The following KMT2B variants were observed in gnomAD, a reference collection of about 807,000 sequenced individuals.
KMT2B encodes the protein histone-lysine N-methyltransferase 2B.
KMT2B carries 22 observed loss-of-function variants against 255.3 expected under a neutral mutation model. The observed-to-expected ratio is 0.09, with a 90% CI of 0.06 to 0.12. The LOEUF is 0.12. Among genes scored for constraint, KMT2B ranks in the 10% least tolerant of loss-of-function variants. The pLI is 1.00. For missense variants in KMT2B, 3,149 were observed against 3,737.0 expected, an observed-to-expected ratio of 0.84 and a Z score of 4.10; for synonymous variants, 1,730 against 1,498.1, an observed-to-expected ratio of 1.15 and a Z score of -3.57.
At position 35,721,141 on chromosome 19, in the gene KMT2B, G is replaced by T; in HGVS notation, c.1794G>T (p.Glu598Asp). ...TPPSTPVPLP[E>D]KRRSILREPT... ...CATCTACCCCAGTTCCACTCCCTGA[G>T]AAGAGACGGTCCATCCTAAGGGAAC... Residue 598 changes from glutamate (E) to aspartate (D), a missense_variant, in exon 3 of 37, where the codon GAG becomes GAT. Physicochemically the swap from Glu to Asp is conservative, Grantham distance 45. This residue lies in a region of KMT2B where 1,188 missense variants were observed against 1,106.4 expected (regional missense o/e 1.07). Transcript: ENST00000420124. 6.2e-7 allele frequency: 1 copy of T among 1,601,204 alleles called. No homozygotes were observed. Among genetic ancestry groups the T allele is most frequent in the Non-Finnish European group, 8.5e-7 (1 of 1,175,016 alleles).
Position 35,724,018 on chromosome 19 carries a change from C to A in KMT2B, c.3334+11C>A. 6.4e-7 allele frequency: 1 copy of A among 1,565,084 alleles called. No individual in the cohort carries two copies. Among genetic ancestry groups the A allele is most frequent in the Non-Finnish European group, 8.7e-7 (1 of 1,154,712 alleles). On this transcript the variant is annotated intron_variant, in intron 8 of 36. Transcript: ENST00000420124. ...CCCCCCGAGAAAATGGTGCGAACTGCTTAATGCTTTCTCTGTTGATCATTT... is the reference window on the plus strand; with the variant it reads ...CCCCCCGAGAAAATGGTGCGAACTGATTAATGCTTTCTCTGTTGATCATTT...
Position 35,721,388 on chromosome 19 carries a change from C to G in KMT2B, c.2041C>G (p.Pro681Ala). 1 of 1,606,194 alleles carries G rather than the reference C, an allele frequency of 6.2e-7. No homozygotes were observed. The highest frequency in any genetic ancestry group is 8.5e-7 in the Non-Finnish European group (1 of 1,177,340). The change falls in exon 3 of 37, where the codon CCT (proline) becomes GCT (alanine). Residue 681 changes from proline to alanine, a missense_variant. By Grantham distance (27) the Pro-to-Ala change is conservative. Around this residue, in one of 18 missense-constraint regions of KMT2B, gnomAD observed 1,188 missense variants for 1,106.4 expected, o/e 1.07. Transcript: ENST00000420124. ...GGCTCCTGAAGCCCCTGAGCCAGAG[C>G]CTCCTCCTGCCGATGACTCTCCAGC... ...LGAPEAPEPE[P>A]PPADDSPAEP...
In KMT2B at chr19:35,718,139, G is replaced by T. The variant is rs1969025340; in HGVS notation, c.121G>T (p.Glu41Ter). The T allele has an allele frequency of 9.6e-7, 1 of 1,040,460 alleles. No homozygotes were observed. Among genetic ancestry groups the T allele is most frequent in the South Asian group, 4.4e-5 (1 of 22,634 alleles). 64.5% of individuals were successfully genotyped at this position (1,040,460 alleles called of 1,614,324 possible). ...CCGCGGCGGACGGGGCAACGGGGCC[G>T]AAAGAGTGCGGGTAGCTCTGCGGCG... The part of the protein sequence containing the change: ...GGRGGRGNGA[E>*]RVRVALRRGG... The change falls in exon 1 of 37, where the codon GAA becomes TAA. Residue 41 changes from glutamate to a stop codon, truncating the protein, a stop_gained. Coordinates refer to ENST00000420124, the MANE Select transcript of KMT2B (RefSeq NM_014727.3). LOFTEE classifies it high-confidence loss of function. The surrounding 1 kb of genome is among the most constrained non-coding windows in gnomAD (Gnocchi z 5.0).
rs975466594 is a variant in KMT2B at position 35,737,611 on chromosome 19, C to T, written c.7551-25C>T. On this transcript the variant is annotated intron_variant, in intron 33 of 36. Transcript: ENST00000420124. This position sits in a 1 kb window ranked among gnomAD's most constrained non-coding sequence, Gnocchi z 5.3. ...TAGCTCTGTCTTCAACAGTATATTCCTCCTTCCCCTGCTGCCACCTGCAGG... is the reference window on the plus strand; with the variant it reads ...TAGCTCTGTCTTCAACAGTATATTCTTCCTTCCCCTGCTGCCACCTGCAGG... 3 of 1,480,676 alleles carry T rather than the reference C, an allele frequency of 2.0e-6. No homozygotes were observed. The highest frequency in any genetic ancestry group is 4.0e-5 in the Admixed American group (2 of 50,448). 91.7% of individuals were successfully genotyped at this position (1,480,676 alleles called of 1,614,324 possible).
rs74723295 is a variant in KMT2B, at chr19:35,730,879, G to C, written c.5437+12G>C. The C allele has an allele frequency of 6.3e-6, 10 of 1,586,522 alleles. No individual in the cohort carries two copies. The East Asian group carries it at 2.3e-4, about 36-fold the overall frequency. On this transcript the variant is annotated intron_variant, in intron 26 of 36. Transcript: ENST00000420124. ...CGCCCCTTCCTCAGGTGTGGCTTTG[G>C]CTCTGTCTTCTTCCTGAATACCGCT...
At chr19:35,724,547 A>G in intron 8 of KMT2B, 90 bp from the exon 9 acceptor site, 1 of 1,100,060 alleles carries the variant, frequency 9.1e-7, no homozygotes, top group Non-Finnish European at 1.4e-6. Flanking sequence ...TAGTTAAAGA[A>G]GGCCCTGGGA....
rs561976569 is a variant in KMT2B at position 35,732,605 on chromosome 19, G to A, written c.6056G>A (p.Gly2019Asp). 40 of 1,612,856 alleles carry A rather than the reference G, an allele frequency of 2.5e-5. No individual in the cohort carries two copies. In the South Asian group the frequency reaches 4.1e-4, roughly 16 times the overall value. ...GGGGCCATGGGGAGCAGCCACGGGG[G>A]CCCGGGGGACAGCTCCGAGGAGGAG... The part of the protein sequence containing the change: ...AAGAMGSSHG[G>D]PGDSSEEESS... The change falls in exon 28 of 37, where the codon GGC (glycine) becomes GAC (aspartate). Residue 2019 changes from glycine (G) to aspartate (D), a missense_variant. By Grantham distance (94) the Gly-to-Asp change is moderately conservative (BLOSUM62 -1). Around this residue, in one of 18 missense-constraint regions of KMT2B, gnomAD observed 897 missense variants for 825.3 expected, o/e 1.09. Transcript: ENST00000420124.
At position 35,737,127 on chromosome 19, in the gene KMT2B, G is replaced by A. The variant is rs1969949928; in HGVS notation, c.7414G>A (p.Val2472Ile). The change falls in exon 33 of 37, where the codon GTC becomes ATC. Residue 2472 changes from valine (V) to isoleucine (I), a missense_variant. Val to Ile is a conservative substitution (Grantham distance 29, BLOSUM62 3). Coordinates refer to ENST00000420124, the MANE Select transcript of KMT2B (RefSeq NM_014727.3). This position sits in a 1 kb window ranked among gnomAD's most constrained non-coding sequence, Gnocchi z 5.3. ...ARLLGIHHDA[V>I]IFLAEQLPGA... ...ACTCCTGGGCATCCACCATGATGCT[G>A]TCATCTTCCTGGCCGAGCAGCTCCC... is the stretch of plus-strand genomic sequence containing the variant. The A allele has an allele frequency of 1.9e-6, 3 of 1,610,914 alleles. No individual in the cohort carries two copies. The highest frequency in any genetic ancestry group is 8.5e-7 in the Non-Finnish European group (1 of 1,178,168).
In KMT2B at chr19:35,738,137, C is replaced by T; in HGVS notation, c.7818C>T (p.Gly2606=). The T allele has an allele frequency of 6.2e-7, 1 of 1,613,848 alleles. No homozygotes were observed. The highest frequency in any genetic ancestry group is 1.1e-5 in the South Asian group (1 of 91,078). The change falls in exon 36 of 37, where the codon GGC becomes GGT. Residue 2606 remains glycine (G), a synonymous_variant. Transcript: ENST00000420124. The surrounding 1 kb of genome is among the most constrained non-coding windows in gnomAD (Gnocchi z 8.7). ...DAGEMVIEYS[G]IVIRSVLTDK... ...GGGAGATGGTCATCGAGTACTCTGG[C>T]ATTGTCATCCGCTCGGTGTTGACTG...
chr19:35,720,178 G>A lies in KMT2B; in HGVS notation c.831G>A (p.Gly277=), dbSNP rs2146434559. The change falls in exon 3 of 37, where the codon GGG becomes GGA. Residue 277 remains glycine, a synonymous_variant. Coordinates refer to ENST00000420124, the MANE Select transcript of KMT2B (RefSeq NM_014727.3). ...KCKEGPGPGP[G]TPRRGGQSSR... ...AGGAGGGGCCCGGTCCAGGACCTGG[G>A]ACCCCCAGGCGTGGAGGACAGTCAA... is the stretch of plus-strand genomic sequence containing the variant. 4.4e-6 allele frequency: 7 copies of A among 1,605,606 alleles called. No homozygotes were observed. The highest frequency in any genetic ancestry group is 5.1e-6 in the Non-Finnish European group (6 of 1,176,454).
rs776963157 is a variant in KMT2B, at chr19:35,738,164, C to T, written c.7845C>T (p.Asp2615=). ...SGIVIRSVLT[D]KREKFYDGKG... ...TTGTCATCCGCTCGGTGTTGACTGA[C>T]AAGCGGGAGAAGTTCTACGATGGGA... The change falls in exon 36 of 37, where the codon GAC becomes GAT. Residue 2615 remains aspartate, a synonymous_variant. Coordinates refer to ENST00000420124, the MANE Select transcript of KMT2B (RefSeq NM_014727.3). The surrounding 1 kb of genome is among the most constrained non-coding windows in gnomAD (Gnocchi z 8.7). 6.2e-7 allele frequency: 1 copy of T among 1,613,814 alleles called. No individual in the cohort carries two copies. The highest frequency in any genetic ancestry group is 8.5e-7 in the Non-Finnish European group (1 of 1,179,852).
intron 13 of KMT2B, 91 bp from the exon 14 acceptor site, chr19:35,726,145 T>C: frequency 2.1e-6 from 2 of 941,444 alleles, no homozygotes; most frequent in Non-Finnish European, 3.4e-6. Flanking sequence ...GCCTGCTTCC[T>C]GCATATCCCC....
Position 35,733,920 on chromosome 19 carries a change from C to G in KMT2B, c.7159+48C>G. ...CCCTCCTTGCCTGTGCCTGGCTCAG[C>G]TGGGTGACTCACAGATGCAAAATCA... is the stretch of plus-strand genomic sequence containing the variant. On this transcript the variant is annotated intron_variant, in intron 30 of 36. Transcript: ENST00000420124. The surrounding 1 kb of genome is among the most constrained non-coding windows in gnomAD (Gnocchi z 4.3). 7.3e-6 allele frequency: 10 copies of G among 1,370,234 alleles called. No homozygotes were observed. Among genetic ancestry groups the G allele is most frequent in the Non-Finnish European group, 1.0e-5 (10 of 970,268 alleles). 84.9% of individuals were successfully genotyped at this position (1,370,234 alleles called of 1,614,324 possible).
Position 35,721,729 on chromosome 19 carries a change from C to T in KMT2B, c.2382C>T (p.Ser794=), listed in dbSNP as rs1290521145. The T allele has an allele frequency of 6.2e-7, 1 of 1,610,574 alleles. No homozygotes were observed. The highest frequency in any genetic ancestry group is 8.5e-7 in the Non-Finnish European group (1 of 1,178,414). ...CTGGGGTAGAGGAGAAGATGTTCAGCCTCCTCAAGAGAGCCAAAGTGCAGC... is the reference window on the plus strand; with the variant it reads ...CTGGGGTAGAGGAGAAGATGTTCAGTCTCCTCAAGAGAGCCAAAGTGCAGC... ...PLSGVEEKMF[S]LLKRAKVQLF... Residue 794 remains serine, a synonymous_variant, in exon 3 of 37, where the codon AGC becomes AGT. Transcript: ENST00000420124.
chr19:35,730,189 C>T (rs1396570108), intron 23 of KMT2B, 64 bp downstream of exon 23: 21 of 1,606,418 alleles, frequency 1.3e-5, no homozygotes, highest in Non-Finnish European at 1.6e-5. Context: ...CTTAGGGACC[C>T]CCGTGGCCCC....
At chr19:35,736,350 G>A (rs1969916875) in intron 30 of KMT2B, 1 of 234,656 alleles carries the variant, frequency 4.3e-6, no homozygotes, top group African/African-American at 2.2e-5. Flanking sequence ...TAAATTTTGT[G>A]TGAGAAACAG....
At position 35,737,724 on chromosome 19, in the gene KMT2B, G is replaced by A; in HGVS notation, c.7639G>A (p.Val2547Met). 6.3e-7 allele frequency: 1 copy of A among 1,581,848 alleles called. No individual in the cohort carries two copies. The change falls in exon 34 of 37, where the codon GTG becomes ATG. Residue 2547 changes from valine (V) to methionine (M), a missense_variant. Val to Met is a conservative substitution (Grantham distance 21, BLOSUM62 1). Coordinates refer to ENST00000420124, the MANE Select transcript of KMT2B (RefSeq NM_014727.3). The surrounding 1 kb of genome is among the most constrained non-coding windows in gnomAD (Gnocchi z 5.3). The stretch of plus-strand genomic sequence containing the variant: ...CACCTGTGATGAGGAAGAGGATGAG[G>A]TGCAGCTCAGGTCAACCAGGTATGG... ...GATCDEEEDE[V>M]QLRSTRRATS... is the part of the protein sequence containing the mutation.
intron 22 of KMT2B, among the ~76,000 whole-genome samples, chr19:35,729,631 A>AG (rs1474075858): frequency 6.6e-6 from 1 of 152,072 alleles, no homozygotes; most frequent in Non-Finnish European, 1.5e-5. Flanking sequence ...TGCCTGGGCC[A>AG]GGTACAGAGA....
At position 35,733,249 on chromosome 19, in the gene KMT2B, C is replaced by A; in HGVS notation, c.6700C>A (p.Leu2234Met). The change falls in exon 28 of 37, where the codon CTG (leucine) becomes ATG (methionine). Residue 2234 changes from leucine to methionine, a missense_variant. Transcript: ENST00000420124. The surrounding 1 kb of genome is among the most constrained non-coding windows in gnomAD (Gnocchi z 4.3). Reference sequence around the variant, plus strand: ...CCCCACGGCTCCCACCTCCTGGACTCTGCCCCCAGGCCCCCTCCTCGGCGT... The same window carrying A: ...CCCCACGGCTCCCACCTCCTGGACTATGCCCCCAGGCCCCCTCCTCGGCGT... ...ISPTAPTSWT[L>M]PPGPLLGVLP... is the part of the protein sequence containing the mutation. The A allele has an allele frequency of 6.7e-7, 1 of 1,487,834 alleles. No homozygotes were observed. Among genetic ancestry groups the A allele is most frequent in the Non-Finnish European group, 9.2e-7 (1 of 1,092,744 alleles). 92.2% of individuals were successfully genotyped at this position (1,487,834 alleles called of 1,614,324 possible).
Sources: allele counts gnomAD v4.1 joint callset (sites outside exome capture counted in the v4.1 genomes callset), GRCh38; gene constraint gnomAD v4.1.1; regional missense constraint gnomAD v4.1.1; non-coding constraint Gnocchi (gnomAD v3.1); transcripts MANE v1.5; gene names NCBI Gene and HGNC (gene_info 2026-07-23, HGNC 2026-07-21).